The following RAB2A variants were observed in gnomAD, a reference collection of about 807,000 sequenced individuals.
RAB2A encodes RAB2A, member RAS oncogene family, also known as ras-related protein Rab-2A.
A neutral mutation model predicts 32.5 loss-of-function variants in RAB2A; 7 were observed. That is an observed-to-expected ratio of 0.22 (90% confidence interval 0.12 to 0.40). RAB2A has a LOEUF of 0.40. Among genes scored for constraint, RAB2A ranks in the 10% least tolerant of loss-of-function variants. The pLI is 1.00. For missense variants in RAB2A, 108 were observed against 260.7 expected (o/e 0.41, Z 4.03); for synonymous variants, 79 against 85.2 (o/e 0.93, Z 0.40).
intron 5 of RAB2A, among the ~76,000 whole-genome samples, chr8:60,586,523 A>G (rs755251940): frequency 2.6e-5 from 4 of 152,178 alleles, no homozygotes; most frequent in Non-Finnish European, 4.4e-5. Flanking sequence ...AGATAAAAAA[A>G]AGAGAGAGAA....
chr8:60,577,897 T>A (rs972066038), intron 3 of RAB2A, among the ~76,000 whole-genome samples: 12 of 149,464 alleles, frequency 8.0e-5, no homozygotes. Flanking sequence ...CCGCCTCAGC[T>A]TCCCAAAGTG....
chr8:60,584,480 C>A (rs909719735), intron 4 of RAB2A, among the ~76,000 whole-genome samples, 190 bp downstream of exon 4: 1 of 152,178 alleles, frequency 6.6e-6, no homozygotes. Flanking sequence ...TTTGAATTAG[C>A]ACCTTCAAAT....
At chr8:60,550,883 G>A (rs1807835851) in intron 1 of RAB2A, among the ~76,000 whole-genome samples, 1 of 152,150 alleles carries the variant, frequency 6.6e-6, no homozygotes, top group African/African-American at 2.4e-5. Context: ...CTAGTTCCTA[G>A]GGGCATGACT....
intron 3 of RAB2A, chr8:60,576,307 C>T (rs1803628720): frequency 2.2e-6 from 1 of 456,130 alleles, no homozygotes; most frequent in Non-Finnish European, 4.4e-6. Context: ...GGTATGTTCT[C>T]ACTGTTAGAC....
rs572681721 is a variant in RAB2A, at chr8:60,530,231, CTCTGCCTCCTGGTTTCAAGCCGT to C, written c.46+12987_46+13009del. On this transcript the variant is annotated intron_variant, in intron 1 of 7. Coordinates refer to ENST00000262646, the MANE Select transcript of RAB2A (RefSeq NM_002865.3). Reference sequence around the variant, plus strand: ...TGACACAGTCTTGGCTCACTGCAACCTCTGCCTCCTGGTTTCAAGCCGTTCTGCCTCAGCCTCTCAAGTAGCTG... The same window carrying C: ...TGACACAGTCTTGGCTCACTGCAACCTCTGCCTCAGCCTCTCAAGTAGCTG... Among the ~76,000 whole-genome samples the C allele has an allele frequency of 2.4e-4, 37 of 151,552 alleles. 1 individual carries two copies. In the East Asian group the frequency reaches 7.2e-3, roughly 29 times the overall value.
intron 1 of RAB2A, chr8:60,552,096 T>C (rs11777673): frequency 0.52 from 69,797 of 135,392 alleles, 17,334 homozygotes; most frequent in African/African-American, 0.67. Context: ...CTCCGCCTAC[T>C]GGGTTCAAGC....
intron 1 of RAB2A, among the ~76,000 whole-genome samples, chr8:60,532,079 A>G (rs930950002): frequency 9.2e-5 from 14 of 152,200 alleles, no homozygotes; most frequent in African/African-American, 3.4e-4. Context: ...TGCTGGGATT[A>G]CAGGCATGAG....
intron 6 of RAB2A, among the ~76,000 whole-genome samples, chr8:60,608,843 A>G (rs1223843230): frequency 3.9e-5 from 6 of 152,046 alleles, no homozygotes; most frequent in African/African-American, 9.7e-5. Flanking sequence ...CCTCTATTCT[A>G]TAGTGTTCTT....
chr8:60,598,782 G>A (rs138471727), intron 6 of RAB2A, among the ~76,000 whole-genome samples: 23 of 151,558 alleles, frequency 1.5e-4, no homozygotes, highest in Middle Eastern at 3.4e-3. Flanking sequence ...TTGTTAAAGA[G>A]CACGTGAACA....
chr8:60,571,278 C>A (rs1263220007), intron 2 of RAB2A, among the ~76,000 whole-genome samples: 1 of 152,148 alleles, frequency 6.6e-6, no homozygotes, highest in East Asian at 1.9e-4. Context: ...TTCATTTCAG[C>A]ATTCACTATT....
intron 1 of RAB2A, among the ~76,000 whole-genome samples, chr8:60,520,585 T>C (rs530949960): frequency 6.6e-5 from 10 of 152,306 alleles, no homozygotes; most frequent in Non-Finnish European, 1.3e-4. Flanking sequence ...TGTTCTTCCC[T>C]ATCAAAAAAA....
intron 6 of RAB2A, among the ~76,000 whole-genome samples, chr8:60,605,832 C>CACATATATATAT (rs1804219896): frequency 8.3e-6 from 1 of 120,806 alleles, no homozygotes; most frequent in African/African-American, 3.8e-5. Flanking sequence ...GGGACTAATA[C>CACATATATATAT]ATATATACAT....
chr8:60,576,729 A>G (rs186746165), intron 3 of RAB2A, among the ~76,000 whole-genome samples: 6 of 152,290 alleles, frequency 3.9e-5, no homozygotes, highest in African/African-American at 1.4e-4. Context: ...TGAGCCAGGG[A>G]GAGGACCTGG....
chr8:60,584,125 G>A (rs1019165030), intron 3 of RAB2A, 83 bp from the exon 4 acceptor site: 17 of 1,131,860 alleles, frequency 1.5e-5, no homozygotes, highest in Non-Finnish European at 2.1e-5. Context: ...TTCCCTACCT[G>A]CTCTTATTCT....
chr8:60,551,115 A>G (rs1206566587), intron 1 of RAB2A, among the ~76,000 whole-genome samples: 2 of 151,918 alleles, frequency 1.3e-5, no homozygotes, highest in Non-Finnish European at 2.9e-5. Context: ...CCTTCCCTCC[A>G]CCCCAGCGTT....
At chr8:60,587,558 A>G (rs971339712) in intron 5 of RAB2A, among the ~76,000 whole-genome samples, 2 of 152,222 alleles carry the variant, frequency 1.3e-5, no homozygotes, top group African/African-American at 4.8e-5. Context: ...AGACGGTTAC[A>G]CTATTATACA....
chr8:60,560,938 GCTGGCGTCACACTATGTT>G (rs1007085713), intron 2 of RAB2A, among the ~76,000 whole-genome samples: 1 of 152,152 alleles, frequency 6.6e-6, no homozygotes, highest in African/African-American at 2.4e-5. Context: ...TAAACTGCCA[GCTGGCGTCACACTATGTT>G]TGCTAATGGC....
chr8:60,566,130 A>G (rs991244124), intron 2 of RAB2A, among the ~76,000 whole-genome samples: 1 of 152,196 alleles, frequency 6.6e-6, no homozygotes, highest in Non-Finnish European at 1.5e-5. Context: ...CCCTCCAGCA[A>G]CCACTGAGTG....
At position 60,528,540 on chromosome 8, in the gene RAB2A, C is replaced by T. The variant is rs145008665; in HGVS notation, c.46+11287C>T. On this transcript the variant is annotated intron_variant, in intron 1 of 7. Transcript: ENST00000262646. The stretch of plus-strand genomic sequence containing the variant: ...CCCCACTTAGCTTGCTTGTTTTTGA[C>T]CAGCTGCTACAAGAATAACAAGCAT... 5.6e-3 allele frequency among the ~76,000 whole-genome samples: 859 copies of T among 152,230 alleles called. 4 individuals are homozygous for T. Among genetic ancestry groups the T allele is most frequent in the Non-Finnish European group, 6.8e-3 (462 of 68,016 alleles).
Sources: allele counts gnomAD v4.1 joint callset (sites outside exome capture counted in the v4.1 genomes callset), GRCh38; gene constraint gnomAD v4.1.1; transcripts MANE v1.5; gene names NCBI Gene and HGNC (gene_info 2026-07-23, HGNC 2026-07-21).